CADM2: variants seen among roughly 807,000 people sequenced by gnomAD.
The protein encoded by CADM2 is cell adhesion molecule 2.
CADM2 carries 12 observed loss-of-function variants against 49.8 expected under a neutral mutation model. The observed-to-expected ratio is 0.24, with a 90% CI of 0.15 to 0.39. The LOEUF (loss-of-function observed/expected upper bound fraction) is 0.39. Ranked by LOEUF, CADM2 falls within the 10% of genes least tolerant of loss-of-function variation. CADM2 has a pLI of 1.00. For missense variants in CADM2, 378 were observed against 492.3 expected (o/e 0.77, Z 2.20); for synonymous variants, 214 against 175.4 (o/e 1.22, Z -1.74).
chr3:85,685,487 C>A (rs1466506907), intron 1 of CADM2, among the ~76,000 whole-genome samples: 1 of 151,962 alleles, frequency 6.6e-6, no homozygotes, highest in Non-Finnish European at 1.5e-5. Flanking sequence ...TGTAGGAAAT[C>A]TTTGAACTTT....
At chr3:85,511,969 GA>G (rs1163358152) in intron 1 of CADM2, 2 of 736,884 alleles carry the variant, frequency 2.7e-6, no homozygotes, top group South Asian at 6.1e-5. Context: ...ATGTGGTTTT[GA>G]AAAAAATGTT....
Position 85,837,029 on chromosome 3 carries a change from C to T in CADM2, c.238+34833C>T, listed in dbSNP as rs145940627. On this transcript the variant is annotated intron_variant, in intron 3 of 9. Coordinates refer to ENST00000383699, the MANE Select transcript of CADM2 (RefSeq NM_001167675.2). The stretch of plus-strand genomic sequence containing the variant: ...AAAAATGAAGATCTCAGTTTCCATA[C>T]GATATAGTTCAATGAATTTTTTTTC... 3.7e-3 allele frequency among the ~76,000 whole-genome samples: 560 copies of T among 151,386 alleles called. 8 individuals are homozygous for T. The highest frequency in any genetic ancestry group is 0.013 in the African/African-American group (525 of 41,400).
At chr3:84,987,621 A>G (rs1017238291) in intron 1 of CADM2, among the ~76,000 whole-genome samples, 5 of 152,116 alleles carry the variant, frequency 3.3e-5, no homozygotes, top group Non-Finnish European at 5.9e-5. Context: ...ATAGGCCTTC[A>G]GTCAGTGGAG....
At chr3:85,462,340 T>G (rs1298895545) in intron 1 of CADM2, among the ~76,000 whole-genome samples, 1 of 152,150 alleles carries the variant, frequency 6.6e-6, no homozygotes, top group East Asian at 1.9e-4. Flanking sequence ...CAAAACCAAA[T>G]TTCTAACTGC....
At chr3:85,420,496 A>G (rs2036119922) in intron 1 of CADM2, among the ~76,000 whole-genome samples, 1 of 152,186 alleles carries the variant, frequency 6.6e-6, no homozygotes, top group Non-Finnish European at 1.5e-5. Context: ...TGTATGTCCC[A>G]TGGGGGAAAA....
chr3:85,057,311 T>G (rs552997047), intron 1 of CADM2, among the ~76,000 whole-genome samples: 2 of 152,182 alleles, frequency 1.3e-5, no homozygotes, highest in South Asian at 4.1e-4. Flanking sequence ...TCAGAATTTT[T>G]TTTTTGTTAT....
intron 3 of CADM2, among the ~76,000 whole-genome samples, chr3:85,810,519 C>A (rs921421842): frequency 2.1e-5 from 3 of 145,712 alleles, no homozygotes; most frequent in African/African-American, 7.6e-5. Flanking sequence ...AAAGTATATG[C>A]TCATAGAATT....
chr3:85,413,521 A>G (rs1303158171), intron 1 of CADM2, among the ~76,000 whole-genome samples: 1 of 152,188 alleles, frequency 6.6e-6, no homozygotes, highest in African/African-American at 2.4e-5. Flanking sequence ...CTGCAGAAGA[A>G]GCATAGTGGC....
chr3:86,063,558 G>A (rs1217977717), intron 8 of CADM2, among the ~76,000 whole-genome samples: 1 of 152,194 alleles, frequency 6.6e-6, no homozygotes, highest in Non-Finnish European at 1.5e-5. Context: ...GTGTCGGGGA[G>A]TATGTCCTCC....
intron 1 of CADM2, among the ~76,000 whole-genome samples, chr3:85,634,158 C>T (rs1341462001): frequency 2.0e-5 from 3 of 151,768 alleles, no homozygotes; most frequent in Non-Finnish European, 2.9e-5. Context: ...AGAAGAGGAA[C>T]GTAAAATGAA....
intron 1 of CADM2, among the ~76,000 whole-genome samples, chr3:85,105,950 G>C (rs528190574): frequency 2.9e-3 from 441 of 151,990 alleles, no homozygotes; most frequent in African/African-American, 9.3e-3. Context: ...GTGGTGGGGT[G>C]GGGGGACGGG....
chr3:85,090,320 T>C (rs1364683711), intron 1 of CADM2, among the ~76,000 whole-genome samples: 2 of 152,170 alleles, frequency 1.3e-5, no homozygotes, highest in African/African-American at 4.8e-5. Flanking sequence ...TTTAGTTATA[T>C]GTATACTATC....
At chr3:85,498,192 T>A (rs1237113686) in intron 1 of CADM2, among the ~76,000 whole-genome samples, 5 of 151,322 alleles carry the variant, frequency 3.3e-5, no homozygotes, top group Non-Finnish European at 7.4e-5. Flanking sequence ...TTTTTTTGTA[T>A]TTTCTGGGCT....
chr3:85,114,189 G>T (rs1476575507), intron 1 of CADM2, among the ~76,000 whole-genome samples: 1 of 151,920 alleles, frequency 6.6e-6, no homozygotes, highest in East Asian at 1.9e-4. Context: ...CTGGGAATAG[G>T]TGTGTGTTAG....
chr3:85,382,540 G>A (rs184566841), intron 1 of CADM2, among the ~76,000 whole-genome samples: 2 of 151,900 alleles, frequency 1.3e-5, no homozygotes, highest in South Asian at 2.1e-4. Flanking sequence ...CATCTTATTC[G>A]CCAAACAAAA....
chr3:85,330,810 A>AT (rs1559783260), intron 1 of CADM2, among the ~76,000 whole-genome samples: 5 of 145,154 alleles, frequency 3.4e-5, no homozygotes, highest in African/African-American at 1.4e-4. Context: ...AAAAAAAAAA[A>AT]ATAGCTCGGC....
At chr3:85,042,918 A>C (rs573385896) in intron 1 of CADM2, among the ~76,000 whole-genome samples, 1 of 152,288 alleles carries the variant, frequency 6.6e-6, no homozygotes, top group South Asian at 2.1e-4. Context: ...TCATTTGTAC[A>C]TGCACATAGG....
chr3:85,447,991 A>G (rs1012749155), intron 1 of CADM2, among the ~76,000 whole-genome samples: 1 of 151,976 alleles, frequency 6.6e-6, no homozygotes, highest in African/African-American at 2.4e-5. Flanking sequence ...TAAGCAAAAC[A>G]CACACAAAAA....
chr3:86,010,607 T>G (rs1731377135), intron 8 of CADM2, among the ~76,000 whole-genome samples: 1 of 151,134 alleles, frequency 6.6e-6, no homozygotes, highest in Non-Finnish European at 1.5e-5. Flanking sequence ...AGAAAATTTA[T>G]GTGTCAAACA....
Sources: allele counts gnomAD v4.1 joint callset (sites outside exome capture counted in the v4.1 genomes callset), GRCh38; gene constraint gnomAD v4.1.1; transcripts MANE v1.5; gene names NCBI Gene and HGNC (gene_info 2026-07-23, HGNC 2026-07-21).